The following DLC1 variants were observed in gnomAD, a reference collection of about 807,000 sequenced individuals.
DLC1 encodes the protein DLC1 Rho GTPase activating protein.
Under a neutral mutation model 140.3 loss-of-function variants are expected in DLC1, and 54 were observed. The ratio of observed to expected loss-of-function variants is 0.38; its 90% confidence interval spans 0.31 to 0.48. The LOEUF (loss-of-function observed/expected upper bound fraction) is 0.48. Ranked by LOEUF, DLC1 falls within the 20% of genes least tolerant of loss-of-function variation. The pLI is 0.96. For synonymous variants in DLC1, 986 were observed against 728.1 expected (o/e 1.35, Z -5.70); for missense variants, 2,536 against 1,907.0 (o/e 1.33, Z -6.14).
intron 5 of DLC1, among the ~76,000 whole-genome samples, chr8:13,202,178 T>A (rs1827426049): frequency 6.6e-6 from 1 of 152,128 alleles, no homozygotes; most frequent in African/African-American, 2.4e-5. Context: ...TCTCTTGACC[T>A]CGTGATCCAC....
chr8:13,595,402 A>G, intron 1 of DLC1, among the ~76,000 whole-genome samples: 1 of 152,126 alleles, frequency 6.6e-6, no homozygotes, highest in East Asian at 1.9e-4. Flanking sequence ...TTATGCAAAC[A>G]GAAATTGTAT....
chr8:13,401,904 C>G (rs1259504398), intron 2 of DLC1, among the ~76,000 whole-genome samples: 1 of 152,022 alleles, frequency 6.6e-6, no homozygotes, highest in African/African-American at 2.4e-5. Flanking sequence ...TACTATTTTC[C>G]CACTACCTAT....
chr8:13,545,406 G>C (rs932158980), intron 1 of DLC1, among the ~76,000 whole-genome samples: 1 of 151,824 alleles, frequency 6.6e-6, no homozygotes, highest in South Asian at 2.1e-4. Context: ...GGAAAACTTA[G>C]GTTGTTTCCC....
At chr8:13,209,672 T>C (rs1827843607) in intron 5 of DLC1, among the ~76,000 whole-genome samples, 1 of 152,096 alleles carries the variant, frequency 6.6e-6, no homozygotes, top group African/African-American at 2.4e-5. Context: ...GGTACTGTCC[T>C]CGTGATAGTC....
chr8:13,387,713 T>C (rs889541170), intron 4 of DLC1, among the ~76,000 whole-genome samples: 1 of 152,130 alleles, frequency 6.6e-6, no homozygotes, highest in Non-Finnish European at 1.5e-5. Flanking sequence ...TGACATTTTA[T>C]AGTTTCATAG....
intron 2 of DLC1, among the ~76,000 whole-genome samples, chr8:13,410,942 G>T (rs1212749227): frequency 6.6e-6 from 1 of 152,140 alleles, no homozygotes; most frequent in Non-Finnish European, 1.5e-5. Flanking sequence ...ACTCAAAGGA[G>T]CCTAAATGAA....
At chr8:13,501,352 A>G (rs1294210061) in intron 1 of DLC1, among the ~76,000 whole-genome samples, 2 of 152,218 alleles carry the variant, frequency 1.3e-5, no homozygotes, top group Admixed American at 6.5e-5. Flanking sequence ...TGTCAACTCA[A>G]CGTTATAAAA....
At chr8:13,426,896 C>G (rs1336092074) in intron 2 of DLC1, among the ~76,000 whole-genome samples, 1 of 152,084 alleles carries the variant, frequency 6.6e-6, no homozygotes, top group Non-Finnish European at 1.5e-5. Flanking sequence ...TTCAATGATG[C>G]TCTACTGGAA....
At chr8:13,336,942 G>T (rs1833833580) in intron 4 of DLC1, among the ~76,000 whole-genome samples, 1 of 152,002 alleles carries the variant, frequency 6.6e-6, no homozygotes, top group Non-Finnish European at 1.5e-5. Context: ...AGAAGTAAAT[G>T]ACTTACTAAT....
intron 5 of DLC1, among the ~76,000 whole-genome samples, chr8:13,191,493 A>C (rs767588681): frequency 5.3e-5 from 8 of 152,226 alleles, no homozygotes; most frequent in Non-Finnish European, 8.8e-5. Flanking sequence ...TCTGTCTCAA[A>C]AACAACAACA....
intron 5 of DLC1, among the ~76,000 whole-genome samples, chr8:13,289,554 C>T (rs973728968): frequency 2.6e-5 from 4 of 152,092 alleles, no homozygotes; most frequent in African/African-American, 9.7e-5. Context: ...TGGCTTTGAA[C>T]TCCTGGCCTC....
At chr8:13,464,974 T>C (rs1340541400) in intron 2 of DLC1, among the ~76,000 whole-genome samples, 1 of 151,962 alleles carries the variant, frequency 6.6e-6, no homozygotes, top group East Asian at 1.9e-4. Context: ...TGGGCTGATC[T>C]TCCCACCTCA....
chr8:13,229,358 C>A (rs1441901686), intron 5 of DLC1, among the ~76,000 whole-genome samples: 1 of 152,052 alleles, frequency 6.6e-6, no homozygotes, highest in Admixed American at 6.6e-5. Context: ...CCTCTGATTC[C>A]ATTTATATAA....
At chr8:13,153,068 C>T (rs1465359326) in intron 5 of DLC1, among the ~76,000 whole-genome samples, 2 of 152,188 alleles carry the variant, frequency 1.3e-5, no homozygotes, top group African/African-American at 2.4e-5. Flanking sequence ...AACATTCATA[C>T]TGTGCCTGGA....
chr8:13,512,397 T>C (rs889885323), intron 1 of DLC1, among the ~76,000 whole-genome samples: 1 of 152,156 alleles, frequency 6.6e-6, no homozygotes. Flanking sequence ...GCAGATGAAA[T>C]AGCCCACGCT....
At chr8:13,591,669 G>A (rs1038488078) in intron 1 of DLC1, among the ~76,000 whole-genome samples, 11 of 152,010 alleles carry the variant, frequency 7.2e-5, no homozygotes, top group African/African-American at 2.7e-4. Context: ...AATGATGTTG[G>A]CTTGGACTTA....
intron 5 of DLC1, among the ~76,000 whole-genome samples, chr8:13,291,468 T>G (rs1447761673): frequency 6.6e-6 from 1 of 152,094 alleles, no homozygotes; most frequent in African/African-American, 2.4e-5. Flanking sequence ...ATAAAACTCT[T>G]GAATGGGAAG....
intron 1 of DLC1, among the ~76,000 whole-genome samples, chr8:13,544,925 A>T (rs545270450): frequency 6.6e-6 from 1 of 152,224 alleles, no homozygotes; most frequent in African/African-American, 2.4e-5. Flanking sequence ...CACAGTGAGT[A>T]CTCTGCCACC....
chr8:13,436,869 G>C (rs976716661), intron 2 of DLC1, among the ~76,000 whole-genome samples: 1 of 152,010 alleles, frequency 6.6e-6, no homozygotes, highest in Non-Finnish European at 1.5e-5. Flanking sequence ...TAAATATGAT[G>C]CCCTGTCTAA....
Sources: allele counts gnomAD v4.1 joint callset (sites outside exome capture counted in the v4.1 genomes callset), GRCh38; gene constraint gnomAD v4.1.1; transcripts MANE v1.5; gene names NCBI Gene and HGNC (gene_info 2026-07-23, HGNC 2026-07-21).